Variants in TBC1D4 observed in about 807,000 individuals in gnomAD.
The protein encoded by TBC1D4 is TBC (Tre-2, BUB2, CDC16) domain-containing protein.
Under a neutral mutation model 142.5 loss-of-function variants are expected in TBC1D4, and 121 were observed. The ratio of observed to expected loss-of-function variants is 0.85; its 90% CI spans 0.73 to 0.99. TBC1D4 has a LOEUF of 0.99. TBC1D4 is among the 50% of genes least tolerant of loss of function. TBC1D4 has a pLI of 0.00. For missense variants in TBC1D4, 1,475 were observed against 1,606.6 expected, an observed-to-expected ratio of 0.92 and a Z score of 1.40; for synonymous variants, 630 against 628.2, an observed-to-expected ratio of 1.00 and a Z score of -0.04.
chr13:75,352,887 T>C (rs965081714), intron 4 of TBC1D4, among the ~76,000 whole-genome samples: 2 of 152,238 alleles, frequency 1.3e-5, no homozygotes, highest in East Asian at 3.8e-4. Context: ...AGACTGATAA[T>C]ATTTAATTGA....
intron 8 of TBC1D4, among the ~76,000 whole-genome samples, chr13:75,333,697 C>T (rs535647980): frequency 6.6e-6 from 1 of 152,330 alleles, no homozygotes; most frequent in East Asian, 1.9e-4. Flanking sequence ...ACTATTGAAT[C>T]TTCAGACTTC....
chr13:75,387,606 CAA>C (rs1390239382), intron 1 of TBC1D4, among the ~76,000 whole-genome samples: 1 of 152,188 alleles, frequency 6.6e-6, no homozygotes, highest in Non-Finnish European at 1.5e-5. Flanking sequence ...CCAATCTCAT[CAA>C]AGTCTTCAGC....
At chr13:75,473,142 C>T (rs906975187) in intron 1 of TBC1D4, among the ~76,000 whole-genome samples, 1 of 152,082 alleles carries the variant, frequency 6.6e-6, no homozygotes, top group East Asian at 1.9e-4. Flanking sequence ...GGATTACAGG[C>T]ATGCACCACC....
At chr13:75,451,322 T>C (rs941297752) in intron 1 of TBC1D4, among the ~76,000 whole-genome samples, 2 of 152,116 alleles carry the variant, frequency 1.3e-5, no homozygotes, top group Non-Finnish European at 2.9e-5. Flanking sequence ...GTGCATCTTT[T>C]TCTTGTAATC....
chr13:75,302,004 G>C (rs1223261769), intron 16 of TBC1D4, among the ~76,000 whole-genome samples: 2 of 152,062 alleles, frequency 1.3e-5, no homozygotes, highest in African/African-American at 2.4e-5. Flanking sequence ...TTAAATATAA[G>C]ATGGCTCCCT....
At chr13:75,427,762 C>T (rs544399878) in intron 1 of TBC1D4, among the ~76,000 whole-genome samples, 1 of 152,304 alleles carries the variant, frequency 6.6e-6, no homozygotes, top group Admixed American at 6.5e-5. Flanking sequence ...TCTTTGCATC[C>T]TTCACACATT....
At chr13:75,472,779 AG>A (rs1888470934) in intron 1 of TBC1D4, among the ~76,000 whole-genome samples, 1 of 152,174 alleles carries the variant, frequency 6.6e-6, no homozygotes, top group South Asian at 2.1e-4. Flanking sequence ...CAGAATAATG[AG>A]GGATCCAAAC....
intron 1 of TBC1D4, among the ~76,000 whole-genome samples, chr13:75,369,938 T>C (rs571198621): frequency 6.6e-6 from 1 of 152,192 alleles, no homozygotes; most frequent in African/African-American, 2.4e-5. Context: ...AAGTAAAATA[T>C]AAGGGATTTT....
intron 1 of TBC1D4, among the ~76,000 whole-genome samples, chr13:75,457,469 C>T (rs1294522421): frequency 6.6e-6 from 1 of 152,136 alleles, no homozygotes; most frequent in Non-Finnish European, 1.5e-5. Context: ...GCTAAATGTC[C>T]ACTGGGGAAT....
chr13:75,481,473 C>T lies in TBC1D4; in HGVS notation c.295G>A (p.Ala99Thr). 1.2e-6 allele frequency: 2 copies of T among 1,613,402 alleles called. No individual in the cohort carries two copies. The highest frequency in any genetic ancestry group is 1.7e-6 in the Non-Finnish European group (2 of 1,179,606). The change falls in exon 1 of 21, where the codon GCT becomes ACT. Residue 99 changes from alanine to threonine, a missense_variant. By Grantham distance (58) the Ala-to-Thr change is moderately conservative. Transcript: ENST00000377636. Reference protein sequence around the residue: ...PFLRCVPAPGAGASGGTSPSA... With the variant: ...PFLRCVPAPGTGASGGTSPSA... ...GGACTAGTGCCCCCCGAGGCCCCAGCGCCCGGCGCGGGGACGCAACGCAGG... is the reference window on the plus strand; with the variant it reads ...GGACTAGTGCCCCCCGAGGCCCCAGTGCCCGGCGCGGGGACGCAACGCAGG...
chr13:75,293,125 G>C (rs182817259), intron 18 of TBC1D4, among the ~76,000 whole-genome samples: 33 of 152,294 alleles, frequency 2.2e-4, no homozygotes, highest in African/African-American at 7.7e-4. Context: ...CTGCACTCCA[G>C]CCTAGGCAAT....
intron 1 of TBC1D4, among the ~76,000 whole-genome samples, chr13:75,438,253 A>G (rs1886879436): frequency 6.6e-6 from 1 of 150,782 alleles, no homozygotes; most frequent in African/African-American, 2.5e-5. Context: ...ATAAAACAAT[A>G]AAGCAAATAA....
chr13:75,405,224 A>T (rs1235793293), intron 1 of TBC1D4, among the ~76,000 whole-genome samples: 1 of 152,108 alleles, frequency 6.6e-6, no homozygotes, highest in East Asian at 1.9e-4. Flanking sequence ...CATACATCAC[A>T]ACAAATTATA....
rs1874526838 is a variant in TBC1D4, at chr13:75,284,821, CCAAGT to C, written c.*1966_*1970del. 1 of 152,134 alleles carries C rather than the reference CCAAGT, an allele frequency of 6.6e-6. No homozygotes were observed. Among genetic ancestry groups the C allele is most frequent in the Non-Finnish European group, 1.5e-5 (1 of 68,014 alleles). The allele number at this position is 152,134 out of a possible 1,614,324, so 9.4% of individuals were successfully genotyped here. A position where few individuals can be genotyped will look rare whatever the true frequency, so the allele number is the denominator to read the frequency against. On this transcript the variant is annotated 3_prime_UTR_variant, in exon 21 of 21. Coordinates refer to ENST00000377636, the MANE Select transcript of TBC1D4 (RefSeq NM_014832.5). ...TCATTTTCAAAAGAAAATATTGTATCCAAGTCAGCTTAATCTCTGAACACCATAAT... is the reference window on the plus strand; with the variant it reads ...TCATTTTCAAAAGAAAATATTGTATCCAGCTTAATCTCTGAACACCATAAT...
At position 75,286,698 on chromosome 13, in the gene TBC1D4, A is replaced by G; in HGVS notation, c.*94T>C. The G allele has an allele frequency of 7.8e-7, 1 of 1,278,040 alleles. No homozygotes were observed. Among genetic ancestry groups the G allele is most frequent in the South Asian group, 1.3e-5 (1 of 78,714 alleles). 79.2% of individuals were successfully genotyped at this position (1,278,040 alleles called of 1,614,324 possible). ...AGCACCAGTATTAGGTGGTTCCATCAGCTTCAGGGTCCAGCCTTGGGCCAG... is the reference window on the plus strand; with the variant it reads ...AGCACCAGTATTAGGTGGTTCCATCGGCTTCAGGGTCCAGCCTTGGGCCAG... On this transcript the variant is annotated 3_prime_UTR_variant, in exon 21 of 21. Coordinates refer to ENST00000377636, the MANE Select transcript of TBC1D4 (RefSeq NM_014832.5).
chr13:75,288,030 C>T (rs1331279025), intron 20 of TBC1D4, among the ~76,000 whole-genome samples: 1 of 152,162 alleles, frequency 6.6e-6, no homozygotes, highest in Admixed American at 6.5e-5. Context: ...ACACATCATA[C>T]AAGTTGCAAA....
chr13:75,444,170 G>T (rs949378284), intron 1 of TBC1D4, among the ~76,000 whole-genome samples: 6 of 152,074 alleles, frequency 3.9e-5, no homozygotes, highest in Non-Finnish European at 8.8e-5. Context: ...TTGCGAAAGC[G>T]GAGCGCAGTC....
intron 2 of TBC1D4, 76 bp from the exon 3 acceptor site, chr13:75,359,934 T>G: frequency 8.7e-7 from 1 of 1,146,852 alleles, no homozygotes; most frequent in Non-Finnish European, 1.3e-6. Flanking sequence ...AATATTAAAC[T>G]AATAATATAG....
At chr13:75,403,906 GA>G (rs1231718355) in intron 1 of TBC1D4, among the ~76,000 whole-genome samples, 3 of 152,070 alleles carry the variant, frequency 2.0e-5, no homozygotes, top group African/African-American at 7.2e-5. Flanking sequence ...CTTCATTAAA[GA>G]AATACAGATT....
Sources: gnomAD v4.1 joint callset for allele counts (sites outside exome capture counted in the v4.1 genomes callset) on GRCh38, gnomAD v4.1.1 for gene constraint, MANE v1.5 for transcripts, NCBI Gene and HGNC (gene_info 2026-07-23, HGNC 2026-07-21) for gene names.